Variants in FXYD2 observed in about 807,000 individuals in gnomAD.
The protein encoded by FXYD2 is FXYD domain containing ion transport regulator 2, also known as sodium/potassium-transporting ATPase subunit gamma.
A neutral mutation model predicts 11.8 loss-of-function variants in FXYD2; 8 were observed. That is an observed-to-expected ratio of 0.68 (90% confidence interval 0.40 to 1.22). The LOEUF (loss-of-function observed/expected upper bound fraction) is 1.22. FXYD2 is among the 50% of genes most tolerant of loss of function. The pLI, the probability that FXYD2 is intolerant of heterozygous loss-of-function variation, is 0.01. For synonymous variants in FXYD2, 42 were observed against 33.3 expected, an observed-to-expected ratio of 1.26 and a Z score of -0.90; for missense variants, 92 against 91.8, an observed-to-expected ratio of 1.00 and a Z score of -0.01.
chr11:117,826,774 GTCTGTCTATCTATCTA>G (rs1315661552), upstream of FXYD2, among the ~76,000 whole-genome samples: 5 of 93,248 alleles, frequency 5.4e-5, no homozygotes, highest in African/African-American at 7.3e-5. Flanking sequence ...CTGTCTGTCT[GTCTGTCTATCTATCTA>G]TCTATCTATC....
At chr11:117,826,807 T>C (rs925187881), upstream of FXYD2, among the ~76,000 whole-genome samples, 11 of 144,642 alleles carry the variant, frequency 7.6e-5, no homozygotes, top group African/African-American at 2.7e-4. Context: ...TATCTATCTA[T>C]CTATCTATCT....
At chr11:117,823,245 A>T (rs944134412) in intron 1 of FXYD2, among the ~76,000 whole-genome samples, 1 of 152,198 alleles carries the variant, frequency 6.6e-6, no homozygotes, top group Non-Finnish European at 1.5e-5. Flanking sequence ...TCCTCAGGGG[A>T]AGCAGATCTA....
chr11:117,825,094 C>T (rs1358118467), upstream of FXYD2, among the ~76,000 whole-genome samples: 1 of 152,198 alleles, frequency 6.6e-6, no homozygotes, highest in Non-Finnish European at 1.5e-5. Context: ...CAGTGGCCCC[C>T]AGCCCAGGCA....
intron 5 of FXYD2, 39 bp downstream of exon 5, chr11:117,820,627 C>T: frequency 6.2e-7 from 1 of 1,613,042 alleles, no homozygotes; most frequent in Non-Finnish European, 8.5e-7. Context: ...CAAGCCTGCC[C>T]TGCCCTCCCC....
Position 117,824,478 on chromosome 11 carries a change from C to A in FXYD2, c.25+176G>T. ...CTTTCTTTGGGGTTAAAGCAGGGTCCTCCTTTAAGTTGCAAATTTTCTTAG... is the reference window on the plus strand; with the variant it reads ...CTTTCTTTGGGGTTAAAGCAGGGTCATCCTTTAAGTTGCAAATTTTCTTAG... On this transcript the variant is annotated intron_variant, in intron 1 of 5. Coordinates refer to ENST00000292079, the MANE Select transcript of FXYD2 (RefSeq NM_001680.5). The surrounding 1 kb of genome is among the most constrained non-coding windows in gnomAD (Gnocchi z 4.0). 1 of 674,888 alleles carries A rather than the reference C, an allele frequency of 1.5e-6. No individual in the cohort carries two copies. Among genetic ancestry groups the A allele is most frequent in the East Asian group, 2.7e-5 (1 of 36,818 alleles). The allele number at this position is 674,888 out of a possible 1,614,324, so 41.8% of individuals were successfully genotyped here. A position where few individuals can be genotyped will look rare whatever the true frequency, so the allele number is the denominator to read the frequency against.
upstream of FXYD2, among the ~76,000 whole-genome samples, chr11:117,825,212 CCCA>C (rs1179030459): frequency 6.6e-6 from 1 of 152,142 alleles, no homozygotes; most frequent in Non-Finnish European, 1.5e-5. Context: ...CCACTGCTCC[CCCA>C]CCACATCCCT....
chr11:117,827,764 A>G (rs1253466447), upstream of FXYD2, among the ~76,000 whole-genome samples: 2 of 152,240 alleles, frequency 1.3e-5, no homozygotes, highest in Non-Finnish European at 2.9e-5. Flanking sequence ...CAAGTAAATG[A>G]GGCAGTTGGA....
chr11:117,826,770 G>GTCTATCTATCTATCTATCTATCTATCTA (rs1555040267), upstream of FXYD2, among the ~76,000 whole-genome samples: 1 of 134,358 alleles, frequency 7.4e-6, no homozygotes, highest in African/African-American at 2.8e-5. Context: ...CTGTCTGTCT[G>GTCTATCTATCTATCTATCTATCTATCTA]TCTGTCTGTC....
intron 3 of FXYD2, chr11:117,821,621 CCTCCGGGAG>C (rs2055907093): frequency 1.0e-6 from 1 of 985,938 alleles, no homozygotes; most frequent in Admixed American, 6.1e-5. Context: ...CCGGCACTGC[CCTCCGGGAG>C]CTGCCACGGG....
Position 117,821,680 on chromosome 11 carries a change from G to A in FXYD2, c.139+726C>T, listed in dbSNP as rs545762403. The A allele has an allele frequency of 1.5e-4, 140 of 959,716 alleles. No homozygotes were observed. The African/African-American group carries it at 2.3e-3, about 16-fold the overall frequency. 59.5% of individuals were successfully genotyped at this position (959,716 alleles called of 1,614,324 possible). A position where few individuals can be genotyped will look rare whatever the true frequency, so the allele number is the denominator to read the frequency against. ...GGGGAGACCTGCAGGACTGTGGCCC[G>A]AGCCTTGGGGTGGGCTGGCAGTGGC... is the stretch of plus-strand genomic sequence containing the variant. On this transcript the variant is annotated intron_variant, in intron 3 of 5. Transcript: ENST00000292079.
Position 117,820,683 on chromosome 11 carries a change from CT to C in FXYD2, c.189del (p.Asp64MetfsTer55). On this transcript the variant is annotated frameshift_variant, in exon 5 of 6. Transcript: ENST00000292079. LOFTEE classifies it high-confidence loss of function. ...GGNKKRRQIN[E>X]DEP Reference sequence around the variant, plus strand: ...TAGCATACCTGCTGTTACGGCTCATCTTCATTGATTTGCCTGGTGGGGGAAG... The same window carrying C: ...TAGCATACCTGCTGTTACGGCTCATCTCATTGATTTGCCTGGTGGGGGAAG... 1 of 1,614,008 alleles carries C rather than the reference CT, an allele frequency of 6.2e-7. No homozygotes were observed. The highest frequency in any genetic ancestry group is 8.5e-7 in the Non-Finnish European group (1 of 1,179,992).
At position 117,824,686 on chromosome 11, in the gene FXYD2, G is replaced by T; in HGVS notation, c.-8C>A. On this transcript the variant is annotated 5_prime_UTR_variant, in exon 1 of 6. It adds an upstream start codon to the 5' untranslated region. Coordinates refer to ENST00000292079, the MANE Select transcript of FXYD2 (RefSeq NM_001680.5). This position sits in a 1 kb window ranked among gnomAD's most constrained non-coding sequence, Gnocchi z 4.0. ...CATCGACAACCCAGTCATTTCCCCA[G>T]GTGAATGGGCTGCCTCCACTCCCCT... 6.2e-7 allele frequency: 1 copy of T among 1,613,964 alleles called. No individual in the cohort carries two copies.
intron 1 of FXYD2, among the ~76,000 whole-genome samples, chr11:117,823,704 C>G (rs1051980400): frequency 6.6e-6 from 1 of 152,246 alleles, no homozygotes; most frequent in African/African-American, 2.4e-5. Context: ...CCTGCCCTGC[C>G]GGAGCCCCTT....
intron 3 of FXYD2, chr11:117,821,700 A>G (rs1216911063): frequency 1.0e-6 from 1 of 959,776 alleles, no homozygotes; most frequent in East Asian, 1.2e-4. Flanking sequence ...GTGGGCTGGC[A>G]GTGGCACACG....
rs544483613 is a variant in FXYD2, at chr11:117,822,946, C to T, written c.26-229G>A. Among the ~76,000 whole-genome samples the T allele has an allele frequency of 2.6e-5, 4 of 152,194 alleles. No homozygotes were observed. Among genetic ancestry groups the T allele is most frequent in the African/African-American group, 9.6e-5 (4 of 41,522 alleles). On this transcript the variant is annotated intron_variant, in intron 1 of 5. Transcript: ENST00000292079. The surrounding 1 kb of genome is among the most constrained non-coding windows in gnomAD (Gnocchi z 4.7). ...AAATACCGAGTGTCCGAGGGGGATC[C>T]GTGCTGTCTGGGGGGCCTCTGACCA...
chr11:117,822,820 G>T lies in FXYD2; in HGVS notation c.26-103C>A. Reference sequence around the variant, plus strand: ...CTTCCCTTCCCAGAGGACCCTCGAGGGTCCAAGCAGGCGAGGGGAGGCTGG... The same window carrying T: ...CTTCCCTTCCCAGAGGACCCTCGAGTGTCCAAGCAGGCGAGGGGAGGCTGG... On this transcript the variant is annotated intron_variant, in intron 1 of 5. Transcript: ENST00000292079. This position sits in a 1 kb window ranked among gnomAD's most constrained non-coding sequence, Gnocchi z 4.7. 2 of 1,475,074 alleles carry T rather than the reference G, an allele frequency of 1.4e-6. No individual in the cohort carries two copies. Among genetic ancestry groups the T allele is most frequent in the East Asian group, 4.7e-5 (2 of 42,444 alleles). The allele number at this position is 1,475,074 out of a possible 1,614,324, so 91.4% of individuals were successfully genotyped here.
In FXYD2 at chr11:117,820,763, G is replaced by T. The variant is rs1019585185; in HGVS notation, c.177-67C>A. 4 of 1,612,190 alleles carry T rather than the reference G, an allele frequency of 2.5e-6. No homozygotes were observed. The Admixed American group carries it at 6.7e-5, about 27-fold the overall frequency. On this transcript the variant is annotated intron_variant, in intron 4 of 5. Transcript: ENST00000292079. The stretch of plus-strand genomic sequence containing the variant: ...AGGGGTGGGTCTAGGGATCTCTGAG[G>T]CTGGGGATCCTCCACTGTGTCAGAG...
In FXYD2 at chr11:117,824,584, C is replaced by T; in HGVS notation, c.25+70G>A. Reference sequence around the variant, plus strand: ...GAGGGAAGAGTAGGGTCCAGCTGACCCCACAAAGGCAGGCCAATCAGAGCC... The same window carrying T: ...GAGGGAAGAGTAGGGTCCAGCTGACTCCACAAAGGCAGGCCAATCAGAGCC... On this transcript the variant is annotated intron_variant, in intron 1 of 5. Transcript: ENST00000292079. This position sits in a 1 kb window ranked among gnomAD's most constrained non-coding sequence, Gnocchi z 4.0. The T allele has an allele frequency of 7.8e-7, 1 of 1,284,164 alleles. No homozygotes were observed. Among genetic ancestry groups the T allele is most frequent in the South Asian group, 1.2e-5 (1 of 83,894 alleles). 79.5% of individuals were successfully genotyped at this position (1,284,164 alleles called of 1,614,324 possible).
chr11:117,821,368 T>A (rs1228969032), intron 3 of FXYD2: 14 of 989,522 alleles, frequency 1.4e-5, no homozygotes, highest in African/African-American at 5.2e-5. Context: ...GCCTTCTCTC[T>A]CTTTATATAA....
Sources: gnomAD v4.1 joint callset for allele counts (sites outside exome capture counted in the v4.1 genomes callset) on GRCh38, gnomAD v4.1.1 for gene constraint, Gnocchi (gnomAD v3.1) non-coding constraint, MANE v1.5 for transcripts, NCBI Gene and HGNC (gene_info 2026-07-23, HGNC 2026-07-21) for gene names.